The following PRKCE variants were observed in gnomAD, a reference collection of about 807,000 sequenced individuals.
The protein encoded by PRKCE is protein kinase C epsilon, also known as protein kinase C epsilon type.
In PRKCE, 16 loss-of-function variants were observed where a neutral mutation model predicts 85.4. That is an observed-to-expected ratio of 0.19 (90% CI 0.13 to 0.28). The LOEUF (loss-of-function observed/expected upper bound fraction) is 0.28. Among genes scored for constraint, PRKCE ranks in the 10% least tolerant of loss-of-function variants. The probability of loss-of-function intolerance (pLI) is 1.00; values close to 1 mark genes in which losing one functional copy is unlikely to be tolerated. For missense variants in PRKCE, 573 were observed against 975.2 expected (o/e 0.59, Z 5.49); for synonymous variants, 388 against 371.5 (o/e 1.04, Z -0.51).
chr2:45,707,917 C>T (rs1679249563), intron 1 of PRKCE, among the ~76,000 whole-genome samples: 2 of 152,152 alleles, frequency 1.3e-5, no homozygotes, highest in African/African-American at 4.8e-5. Context: ...TTAGGCAGGC[C>T]CCAGCCTTCC....
At chr2:45,923,924 C>A (rs951455562) in intron 2 of PRKCE, among the ~76,000 whole-genome samples, 2 of 152,154 alleles carry the variant, frequency 1.3e-5, no homozygotes, top group Non-Finnish European at 2.9e-5. Context: ...GTGGAATGTT[C>A]TTGGGCGCAG....
chr2:46,071,598 A>T (rs1273226823), intron 10 of PRKCE, among the ~76,000 whole-genome samples: 2 of 152,238 alleles, frequency 1.3e-5, no homozygotes, highest in Non-Finnish European at 2.9e-5. Context: ...AGGATGAGGA[A>T]AGCTATAGGA....
At chr2:45,941,912 T>C (rs1699903865) in intron 2 of PRKCE, among the ~76,000 whole-genome samples, 1 of 152,078 alleles carries the variant, frequency 6.6e-6, no homozygotes, top group South Asian at 2.1e-4. Context: ...GGAGGAGAGT[T>C]TTACCTCTTC....
intron 10 of PRKCE, among the ~76,000 whole-genome samples, chr2:46,046,154 T>G (rs921509139): frequency 6.6e-6 from 1 of 152,212 alleles, no homozygotes; most frequent in African/African-American, 2.4e-5. Context: ...GGGATTCATT[T>G]CTGGTGGCAG....
chr2:45,800,597 G>A (rs971592828), intron 1 of PRKCE, among the ~76,000 whole-genome samples: 1 of 152,246 alleles, frequency 6.6e-6, no homozygotes, highest in Non-Finnish European at 1.5e-5. Flanking sequence ...GTTCTGGAGA[G>A]AAGGACAAGG....
chr2:45,711,281 G>C (rs981293283), intron 1 of PRKCE, among the ~76,000 whole-genome samples: 1 of 152,174 alleles, frequency 6.6e-6, no homozygotes. Context: ...ACAGCTGCAA[G>C]GTACTTTCCA....
chr2:45,933,062 G>A (rs1573929357), intron 2 of PRKCE, among the ~76,000 whole-genome samples: 2 of 152,228 alleles, frequency 1.3e-5, no homozygotes, highest in East Asian at 1.9e-4. Context: ...GCATTTCCCT[G>A]ATGTCTTTGC....
intron 10 of PRKCE, among the ~76,000 whole-genome samples, chr2:46,023,089 C>CA (rs397984467): frequency 0.01 from 730 of 71,418 alleles, 27 homozygotes; most frequent in Admixed American, 0.06. Context: ...GACTCCGTCT[C>CA]AAAAAAAAAA....
chr2:45,817,013 G>C (rs1212885048), intron 1 of PRKCE, among the ~76,000 whole-genome samples: 1 of 151,436 alleles, frequency 6.6e-6, no homozygotes, highest in Non-Finnish European at 1.5e-5. Flanking sequence ...AGAACATTGG[G>C]GACAAAGAGA....
chr2:46,023,202 C>T (rs1273122761), intron 10 of PRKCE, among the ~76,000 whole-genome samples: 2 of 151,882 alleles, frequency 1.3e-5, no homozygotes, highest in African/African-American at 2.4e-5. Flanking sequence ...AGTTGGCCAA[C>T]TGTTTGTGAA....
chr2:46,177,552 T>C (rs1467726461), intron 14 of PRKCE, among the ~76,000 whole-genome samples: 1 of 152,206 alleles, frequency 6.6e-6, no homozygotes, highest in African/African-American at 2.4e-5. Flanking sequence ...CCTGTGTCTC[T>C]TCCCTCTGTG....
chr2:45,851,256 TTTGA>T (rs1282418423), intron 2 of PRKCE, among the ~76,000 whole-genome samples: 5 of 152,232 alleles, frequency 3.3e-5, no homozygotes, highest in African/African-American at 1.2e-4. Flanking sequence ...GGGACTAGTA[TTTGA>T]TTGACCACAA....
intron 11 of PRKCE, among the ~76,000 whole-genome samples, chr2:46,098,506 T>C (rs1023913310): frequency 5.3e-5 from 8 of 152,218 alleles, no homozygotes; most frequent in African/African-American, 1.9e-4. Flanking sequence ...ATCTCAAAAA[T>C]GGGGATGAAT....
chr2:46,152,905 G>C (rs1411761160), intron 13 of PRKCE, among the ~76,000 whole-genome samples: 1 of 152,180 alleles, frequency 6.6e-6, no homozygotes, highest in Non-Finnish European at 1.5e-5. Flanking sequence ...GTAGGTATCT[G>C]AGGGTGCATG....
At chr2:45,938,626 C>T (rs1699651842) in intron 2 of PRKCE, among the ~76,000 whole-genome samples, 1 of 152,160 alleles carries the variant, frequency 6.6e-6, no homozygotes, top group South Asian at 2.1e-4. Context: ...TCTTTCCTAA[C>T]TTATGGGTCC....
In PRKCE at chr2:46,089,652, G is replaced by A. The variant is rs146282664; in HGVS notation, c.1592+3290G>A. Among the ~76,000 whole-genome samples the A allele has an allele frequency of 5.3e-3, 812 of 152,128 alleles. 5 individuals carry two copies. The highest frequency in any genetic ancestry group is 0.014 in the Middle Eastern group (4 of 294). ...AGTTTGGGCCCAGCAGAAGTGAGGG[G>A]CACAGGCCGCGGGTTGGGGAAGGCA... On this transcript the variant is annotated intron_variant, in intron 11 of 14. Coordinates refer to ENST00000306156, the MANE Select transcript of PRKCE (RefSeq NM_005400.3).
intron 1 of PRKCE, among the ~76,000 whole-genome samples, chr2:45,817,079 G>GTGTGTGTA (rs1689115326): frequency 6.7e-6 from 1 of 150,262 alleles, no homozygotes; most frequent in African/African-American, 2.5e-5. Flanking sequence ...GTGTGTGTGT[G>GTGTGTGTA]TGTGTGTGTG....
chr2:46,095,063 G>T (rs1386812124), intron 11 of PRKCE, among the ~76,000 whole-genome samples: 2 of 152,186 alleles, frequency 1.3e-5, no homozygotes, highest in Non-Finnish European at 2.9e-5. Context: ...AAGCCCTTCA[G>T]TTCTAGAAAA....
chr2:45,741,648 G>C (rs1416288833), intron 1 of PRKCE, among the ~76,000 whole-genome samples: 1 of 136,460 alleles, frequency 7.3e-6, no homozygotes, highest in Non-Finnish European at 1.5e-5. Context: ...GCATGTGCAA[G>C]TTTTGGGCCT....
Sources: gnomAD v4.1 joint callset for allele counts (sites outside exome capture counted in the v4.1 genomes callset) on GRCh38, gnomAD v4.1.1 for gene constraint, MANE v1.5 for transcripts, NCBI Gene and HGNC (gene_info 2026-07-23, HGNC 2026-07-21) for gene names.